The following ADRA1B variants were observed in gnomAD, a reference collection of about 807,000 sequenced individuals.
ADRA1B encodes alpha-1B adrenergic receptor.
Under a neutral mutation model 17.9 loss-of-function variants are expected in ADRA1B, and 17 were observed. That is an observed-to-expected ratio of 0.95 (90% confidence interval 0.65 to 1.42). The LOEUF (loss-of-function observed/expected upper bound fraction) is 1.42, where lower values mean the gene tolerates loss of function less well. Ranked by LOEUF, ADRA1B falls within the 40% of genes most tolerant of loss-of-function variation. The pLI is 0.00. For synonymous variants in ADRA1B, 366 were observed against 327.6 expected (o/e 1.12, Z -1.27); for missense variants, 681 against 722.1 (o/e 0.94, Z 0.65).
chr5:159,977,316 C>T (rs1391144178), downstream of ADRA1B, among the ~76,000 whole-genome samples: 1 of 152,130 alleles, frequency 6.6e-6, no homozygotes, highest in Non-Finnish European at 1.5e-5. Flanking sequence ...GAACACAACA[C>T]GGAAGGAGAC....
intron 1 of ADRA1B, chr5:159,947,840 G>A: frequency 3.0e-6 from 3 of 985,398 alleles, no homozygotes; most frequent in Non-Finnish European, 3.6e-6. Context: ...ATCCGTTATT[G>A]AGAAAGGAGC....
intron 1 of ADRA1B, among the ~76,000 whole-genome samples, chr5:159,923,076 A>C (rs1004558821): frequency 1.4e-4 from 21 of 152,242 alleles, no homozygotes; most frequent in African/African-American, 4.8e-4. Flanking sequence ...TGTGGGCAGG[A>C]GGAGGGGCAC....
intron 1 of ADRA1B, among the ~76,000 whole-genome samples, chr5:159,884,751 G>A (rs72808164): frequency 0.012 from 1,886 of 152,242 alleles, 20 homozygotes; most frequent in Middle Eastern, 0.027. Flanking sequence ...AGAGGAGTTA[G>A]CCAAATGAAC....
At chr5:159,950,470 C>G in intron 1 of ADRA1B, 1 of 1,295,076 alleles carries the variant, frequency 7.7e-7, no homozygotes, top group Non-Finnish European at 1.1e-6. Flanking sequence ...CATGCTCTCA[C>G]TGGGGCTGGT....
chr5:159,953,136 G>A (rs1177582316), intron 1 of ADRA1B, among the ~76,000 whole-genome samples: 3 of 152,276 alleles, frequency 2.0e-5, no homozygotes, highest in Non-Finnish European at 2.9e-5. Flanking sequence ...CAAGGCAGGT[G>A]GATCACCTGA....
At chr5:159,966,347 C>T (rs1755775826) in intron 1 of ADRA1B, among the ~76,000 whole-genome samples, 1 of 152,168 alleles carries the variant, frequency 6.6e-6, no homozygotes, top group African/African-American at 2.4e-5. Flanking sequence ...TTTTACCTTG[C>T]TTAATCCTCA....
intron 1 of ADRA1B, among the ~76,000 whole-genome samples, chr5:159,967,060 G>T (rs1755789349): frequency 1.3e-5 from 2 of 152,278 alleles, no homozygotes; most frequent in Admixed American, 6.5e-5. Context: ...AATCTGGAAG[G>T]ATTCCAAATA....
At chr5:159,895,104 C>T (rs1754027893) in intron 1 of ADRA1B, among the ~76,000 whole-genome samples, 1 of 152,154 alleles carries the variant, frequency 6.6e-6, no homozygotes, top group South Asian at 2.1e-4. Context: ...TCAGCACTTG[C>T]CTCTGTACCA....
chr5:159,916,728 G>C lies in ADRA1B; in HGVS notation c.-178G>C. 1.7e-6 allele frequency: 1 copy of C among 595,990 alleles called. No homozygotes were observed. The highest frequency in any genetic ancestry group is 3.0e-6 in the Non-Finnish European group (1 of 338,718). The allele number at this position is 595,990 out of a possible 1,614,324, so 36.9% of individuals were successfully genotyped here. A position where few individuals can be genotyped will look rare whatever the true frequency, so the allele number is the denominator to read the frequency against. On this transcript the variant is annotated 5_prime_UTR_variant, in exon 1 of 2. Coordinates refer to ENST00000306675, the MANE Select transcript of ADRA1B (RefSeq NM_000679.4). Reference sequence around the variant, plus strand: ...CCTCTGACAGGCGAGCGAGCGACTCGGTGCAGGCAGGAGACGTGCTGCCGG... The same window carrying C: ...CCTCTGACAGGCGAGCGAGCGACTCCGTGCAGGCAGGAGACGTGCTGCCGG...
the ADRA1B span, among the ~76,000 whole-genome samples, chr5:159,979,162 C>A: frequency 1.3e-5 from 2 of 151,096 alleles, no homozygotes; most frequent in Admixed American, 6.6e-5. Context: ...CCTATCTCTA[C>A]AAAAAAAAAT....
At chr5:159,964,019 C>T (rs952038) in intron 1 of ADRA1B, among the ~76,000 whole-genome samples, 4 of 152,186 alleles carry the variant, frequency 2.6e-5, no homozygotes, top group African/African-American at 9.6e-5. Flanking sequence ...AATAGAAATG[C>T]TTCCCACATG....
chr5:159,868,064 A>AT (rs1561578406), intron 1 of ADRA1B: 1 of 152,232 alleles, frequency 6.6e-6, no homozygotes, highest in Non-Finnish European at 1.5e-5. Flanking sequence ...TTACCATGTA[A>AT]TTTTAGGAAG....
At chr5:159,980,187 T>G in the ADRA1B span, among the ~76,000 whole-genome samples, 16 of 151,694 alleles carry the variant, frequency 1.1e-4, no homozygotes, top group East Asian at 2.7e-3. Context: ...AGTTTCAAGG[T>G]GAGATCTGTG....
At chr5:159,966,017 C>T (rs773324546) in intron 1 of ADRA1B, among the ~76,000 whole-genome samples, 5 of 151,976 alleles carry the variant, frequency 3.3e-5, no homozygotes, top group Non-Finnish European at 5.9e-5. Context: ...TCAGGTAATC[C>T]GCCCTCCTTG....
intron 1 of ADRA1B, among the ~76,000 whole-genome samples, chr5:159,879,257 C>T (rs1251917441): frequency 6.6e-6 from 1 of 152,104 alleles, no homozygotes; most frequent in Non-Finnish European, 1.5e-5. Context: ...GGGAAAGGGG[C>T]CCAGTGACTG....
At chr5:159,926,817 G>C (rs1344915829) in intron 1 of ADRA1B, among the ~76,000 whole-genome samples, 2 of 152,126 alleles carry the variant, frequency 1.3e-5, no homozygotes, top group African/African-American at 4.8e-5. Context: ...AACCTGGGAG[G>C]TGGAGGTTAC....
intron 1 of ADRA1B, among the ~76,000 whole-genome samples, chr5:159,929,433 G>T (rs1335760898): frequency 2.7e-5 from 4 of 150,930 alleles, no homozygotes; most frequent in Non-Finnish European, 5.9e-5. Context: ...GTTTAGTTTG[G>T]GTTTTTTTTG....
intron 1 of ADRA1B, among the ~76,000 whole-genome samples, chr5:159,909,328 C>T (rs1461933556): frequency 6.6e-6 from 1 of 152,162 alleles, no homozygotes; most frequent in Non-Finnish European, 1.5e-5. Flanking sequence ...CACTCCCTTG[C>T]CTTGCTCCCC....
At chr5:159,888,973 T>C (rs17057250) in intron 1 of ADRA1B, among the ~76,000 whole-genome samples, 2,672 of 152,312 alleles carry the variant, frequency 0.018, 73 homozygotes, top group African/African-American at 0.061. Flanking sequence ...CATCCCAACA[T>C]GGACGGCTCA....
Sources: allele counts gnomAD v4.1 joint callset (sites outside exome capture counted in the v4.1 genomes callset), GRCh38; gene constraint gnomAD v4.1.1; transcripts MANE v1.5; gene names NCBI Gene and HGNC (gene_info 2026-07-23, HGNC 2026-07-21).